Variants in COL11A1 observed in about 807,000 individuals in gnomAD.
The protein encoded by COL11A1 is collagen alpha-1(XI) chain.
Under a neutral mutation model 265.2 loss-of-function variants are expected in COL11A1, and 74 were observed. The ratio of observed to expected loss-of-function variants is 0.28; its 90% CI spans 0.23 to 0.34. The LOEUF is 0.34. Ranked by LOEUF, COL11A1 falls within the 10% of genes least tolerant of loss-of-function variation. The pLI is 1.00. For synonymous variants in COL11A1, 816 were observed against 727.6 expected, an observed-to-expected ratio of 1.12 and a Z score of -1.96; for missense variants, 2,165 against 2,263.6, an observed-to-expected ratio of 0.96 and a Z score of 0.88.
intron 63 of COL11A1, among the ~76,000 whole-genome samples, chr1:102,885,767 C>T (rs1932331): frequency 0.49 from 74,307 of 151,908 alleles, 21,771 homozygotes; most frequent in East Asian, 0.67. Flanking sequence ...GCTTAAATAA[C>T]ACCAGTTAAA....
Position 103,026,333 on chromosome 1 carries a change from C to T in COL11A1, c.781-1G>A. On this transcript the variant is annotated splice_acceptor_variant, in intron 5 of 66. Transcript: ENST00000370096. LOFTEE classifies it high-confidence loss of function. ...ATTCGATTATATCCTCTGGTGCATACTACATTGCAAAGGAAAAAATATCAG... is the reference window on the plus strand; with the variant it reads ...ATTCGATTATATCCTCTGGTGCATATTACATTGCAAAGGAAAAAATATCAG... 9 of 1,597,174 alleles carry T rather than the reference C, an allele frequency of 5.6e-6. No homozygotes were observed. Among genetic ancestry groups the T allele is most frequent in the Non-Finnish European group, 7.7e-6 (9 of 1,164,566 alleles).
At chr1:102,960,641 G>T (rs1168015665) in intron 41 of COL11A1, among the ~76,000 whole-genome samples, 1 of 151,894 alleles carries the variant, frequency 6.6e-6, no homozygotes, top group African/African-American at 2.4e-5. Flanking sequence ...AAAGGGGAAA[G>T]GTGTACAGTA....
At position 102,918,661 on chromosome 1, in the gene COL11A1, A is replaced by G. The variant is rs537545395; in HGVS notation, c.3762+1650T>C. The stretch of plus-strand genomic sequence containing the variant: ...CGTGCTGTCACATAAAAAAAAATCA[A>G]AAGAAAGGAGCAAAATTAAAACTGT... On this transcript the variant is annotated intron_variant, in intron 49 of 66. Coordinates refer to ENST00000370096, the MANE Select transcript of COL11A1 (RefSeq NM_001854.4). Among the ~76,000 whole-genome samples the G allele has an allele frequency of 2.7e-4, 41 of 152,142 alleles. 1 individual carries two copies. The East Asian group carries it at 7.3e-3, about 27-fold the overall frequency.
Position 103,017,989 on chromosome 1 carries a change from A to T in COL11A1, c.1351-107T>A, listed in dbSNP as rs1666702175. The T allele has an allele frequency of 9.4e-6, 9 of 959,720 alleles. No homozygotes were observed. In the East Asian group the frequency reaches 2.3e-4, roughly 24 times the overall value. 59.5% of individuals were successfully genotyped at this position (959,720 alleles called of 1,614,324 possible). A position where few individuals can be genotyped will look rare whatever the true frequency, so the allele number is the denominator to read the frequency against. ...GTTCGTTTATATTTTATAAATATACACTAGAGTTCTAAACAGTTGCCCTAT... is the reference window on the plus strand; with the variant it reads ...GTTCGTTTATATTTTATAAATATACTCTAGAGTTCTAAACAGTTGCCCTAT... On this transcript the variant is annotated intron_variant, in intron 10 of 66. Coordinates refer to ENST00000370096, the MANE Select transcript of COL11A1 (RefSeq NM_001854.4).
In COL11A1 at chr1:102,887,021, G is replaced by A. The variant is rs750601832; in HGVS notation, c.4644C>T (p.Ile1548=). 9 of 1,613,738 alleles carry A rather than the reference G, an allele frequency of 5.6e-6. No individual in the cohort carries two copies. The East Asian group carries it at 1.6e-4, about 28-fold the overall frequency. The change falls in exon 63 of 67, where the codon ATC becomes ATT. Residue 1548 remains isoleucine (I), a synonymous_variant. Coordinates refer to ENST00000370096, the MANE Select transcript of COL11A1 (RefSeq NM_001854.4). ...GTCTTCTCGTTTTTTTGGAGGACAA[G>A]ATTGGTAAAGGCTGAATGACTTCAC... The part of the protein sequence containing the change: ...PPGEVIQPLP[I]LSSKKTRRHT...
At chr1:103,074,084 G>T (rs1345255689) in intron 4 of COL11A1, among the ~76,000 whole-genome samples, 1 of 151,968 alleles carries the variant, frequency 6.6e-6, no homozygotes, top group East Asian at 1.9e-4. Flanking sequence ...AGGACTAAAA[G>T]AATGTGATTA....
At chr1:102,900,010 A>T (rs1652985247) in intron 54 of COL11A1, among the ~76,000 whole-genome samples, 1 of 152,112 alleles carries the variant, frequency 6.6e-6, no homozygotes, top group Non-Finnish European at 1.5e-5. Context: ...TCACAATGTA[A>T]TATCAGTATA....
chr1:102,946,386 A>G (rs1659273775), intron 42 of COL11A1, among the ~76,000 whole-genome samples: 1 of 151,978 alleles, frequency 6.6e-6, no homozygotes, highest in Admixed American at 6.6e-5. Context: ...AATTAGTGAG[A>G]TGTTCCCTGT....
chr1:102,883,730 C>T (rs1053244674), intron 63 of COL11A1, among the ~76,000 whole-genome samples: 1 of 151,882 alleles, frequency 6.6e-6, no homozygotes, highest in African/African-American at 2.4e-5. Context: ...ATATTTTCTT[C>T]CTAGTTTATT....
At chr1:103,010,965 G>T (rs1210833925) in intron 14 of COL11A1, among the ~76,000 whole-genome samples, 2 of 152,130 alleles carry the variant, frequency 1.3e-5, no homozygotes, top group Non-Finnish European at 2.9e-5. Flanking sequence ...CTCCCAAAGT[G>T]CTGGGATTAC....
At chr1:103,019,126 A>G (rs778397170) in intron 9 of COL11A1, among the ~76,000 whole-genome samples, 89 of 152,188 alleles carry the variant, frequency 5.8e-4, no homozygotes, top group Admixed American at 1.2e-3. Flanking sequence ...AGAATATGCT[A>G]AGTGCTCCCA....
At chr1:102,930,129 T>A (rs1657214788) in intron 46 of COL11A1, among the ~76,000 whole-genome samples, 3 of 152,188 alleles carry the variant, frequency 2.0e-5, no homozygotes. Flanking sequence ...CAACACTATG[T>A]TGAATAGGAG....
chr1:102,974,538 A>T (rs1346636763), intron 36 of COL11A1, among the ~76,000 whole-genome samples: 1 of 152,204 alleles, frequency 6.6e-6, no homozygotes, highest in Non-Finnish European at 1.5e-5. Flanking sequence ...AACAATTTGT[A>T]ATGTCATCAA....
At chr1:103,030,947 A>G (rs564375991) in intron 5 of COL11A1, 169 bp downstream of exon 5, 50 of 815,280 alleles carry the variant, frequency 6.1e-5, no homozygotes, top group Middle Eastern at 7.5e-4. Context: ...CAGCAAGAAA[A>G]CAAGTACCAA....
chr1:103,051,323 C>G (rs564893534), intron 4 of COL11A1, among the ~76,000 whole-genome samples: 3 of 152,170 alleles, frequency 2.0e-5, no homozygotes, highest in Non-Finnish European at 4.4e-5. Context: ...CCCCCAGCCT[C>G]GCTGCCACCT....
chr1:102,922,107 CTT>C (rs1656053629), intron 47 of COL11A1, among the ~76,000 whole-genome samples: 1 of 152,098 alleles, frequency 6.6e-6, no homozygotes, highest in African/African-American at 2.4e-5. Context: ...ACTTGGAAAA[CTT>C]TTTATAAAAT....
chr1:102,879,943 C>T, intron 65 of COL11A1, 27 bp from the exon 66 acceptor site: 1 of 1,409,476 alleles, frequency 7.1e-7, no homozygotes, highest in Non-Finnish European at 1.0e-6. Context: ...AAAAAGACAC[C>T]TAATGACTCT....
chr1:102,981,907 CA>C, intron 31 of COL11A1, among the ~76,000 whole-genome samples: 1 of 151,748 alleles, frequency 6.6e-6, no homozygotes, highest in East Asian at 1.9e-4. Context: ...AATAAGATGT[CA>C]AATTACAGGC....
chr1:103,049,295 C>A (rs6689035), intron 4 of COL11A1, among the ~76,000 whole-genome samples: 6,256 of 152,178 alleles, frequency 0.041, 220 homozygotes, highest in African/African-American at 0.092. Context: ...GTATTGGGTG[C>A]ATATATACTT....
Sources: gnomAD v4.1 joint callset for allele counts (sites outside exome capture counted in the v4.1 genomes callset) on GRCh38, gnomAD v4.1.1 for gene constraint, MANE v1.5 for transcripts, NCBI Gene and HGNC (gene_info 2026-07-23, HGNC 2026-07-21) for gene names.